TBC1D9: variants seen among roughly 807,000 people sequenced by gnomAD.
TBC1D9 encodes TBC1 domain family member 9.
A neutral mutation model predicts 132.0 loss-of-function variants in TBC1D9; 63 were observed. The ratio of observed to expected loss-of-function variants is 0.48; its 90% CI spans 0.39 to 0.59. The LOEUF (loss-of-function observed/expected upper bound fraction) is 0.59, where lower values mean the gene tolerates loss of function less well. TBC1D9 is among the 20% of genes least tolerant of loss of function. The pLI, the probability that TBC1D9 is intolerant of heterozygous loss-of-function variation, is 0.00. For missense variants in TBC1D9, 1,261 were observed against 1,592.7 expected, an observed-to-expected ratio of 0.79 and a Z score of 3.54; for synonymous variants, 610 against 609.9, an observed-to-expected ratio of 1.00 and a Z score of 0.00.
chr4:140,645,002 G>A, intron 13 of TBC1D9: 1 of 466,450 alleles, frequency 2.1e-6, no homozygotes, highest in East Asian at 5.9e-5. Context: ...TGCTGCCCGA[G>A]CGGGACAACC....
intron 3 of TBC1D9, among the ~76,000 whole-genome samples, chr4:140,681,748 G>C (rs1560883952): frequency 6.6e-6 from 1 of 152,096 alleles, no homozygotes; most frequent in Non-Finnish European, 1.5e-5. Flanking sequence ...ATCTTCCACA[G>C]GCTCTCAGTG....
chr4:140,707,532 C>T (rs781613178), intron 1 of TBC1D9, among the ~76,000 whole-genome samples: 61 of 152,290 alleles, frequency 4.0e-4, no homozygotes, highest in Non-Finnish European at 6.9e-4. Flanking sequence ...TTCTGTAGGC[C>T]ACCTGCTGCC....
intron 2 of TBC1D9, among the ~76,000 whole-genome samples, chr4:140,693,888 T>C (rs1342562755): frequency 1.3e-5 from 2 of 152,194 alleles, no homozygotes; most frequent in African/African-American, 4.8e-5. Flanking sequence ...CTCACAGCTT[T>C]ATAATCACTT....
At position 140,678,993 on chromosome 4, in the gene TBC1D9, G is replaced by C. The variant is rs557414910; in HGVS notation, c.800C>G (p.Ser267Cys). The C allele has an allele frequency of 2.4e-5, 38 of 1,613,788 alleles. No individual in the cohort carries two copies. Among genetic ancestry groups the C allele is most frequent in the Non-Finnish European group, 3.1e-5 (36 of 1,179,846 alleles). ...LDNEGFEQDR[S>C]LPKLKRKSPK... ...AGATTTCCTTTTGAGTTTGGGCAGGGATCGATCTTGTTCAAATCCCTCATT... is the reference window on the plus strand; with the variant it reads ...AGATTTCCTTTTGAGTTTGGGCAGGCATCGATCTTGTTCAAATCCCTCATT... Residue 267 changes from serine (S) to cysteine (C), a missense_variant, in exon 5 of 21, where the codon TCC (serine) becomes TGC (cysteine). Physicochemically the swap from Ser to Cys is moderately radical, Grantham distance 112 (BLOSUM62 -1). Coordinates refer to ENST00000442267, the MANE Select transcript of TBC1D9 (RefSeq NM_015130.3).
chr4:140,651,394 TAG>T (rs1169972691), intron 13 of TBC1D9, among the ~76,000 whole-genome samples: 1 of 152,048 alleles, frequency 6.6e-6, no homozygotes, highest in Non-Finnish European at 1.5e-5. Flanking sequence ...GCCTGGGAGG[TAG>T]AGGTTGGAGT....
chr4:140,643,964 T>G (rs1578821238), intron 13 of TBC1D9: 1 of 599,464 alleles, frequency 1.7e-6, no homozygotes. Context: ...TCGCCTCCTG[T>G]TCAGCCAGCG....
At chr4:140,718,437 G>C (rs1463295796) in intron 1 of TBC1D9, among the ~76,000 whole-genome samples, 1 of 152,098 alleles carries the variant, frequency 6.6e-6, no homozygotes, top group Non-Finnish European at 1.5e-5. Flanking sequence ...AACAGAGTCA[G>C]AGCTACCCTA....
In TBC1D9 at chr4:140,622,175, C is replaced by T. The variant is rs761904183; in HGVS notation, c.*20G>A. On this transcript the variant is annotated 3_prime_UTR_variant, in exon 21 of 21. Coordinates refer to ENST00000442267, the MANE Select transcript of TBC1D9 (RefSeq NM_015130.3). ...TCCCTCCCCTCCCTCTCCTCCCACT[C>T]CCCCGGGAAGGCGCCCGTGTCAGCC... 3.9e-6 allele frequency: 6 copies of T among 1,554,574 alleles called. No homozygotes were observed. Among genetic ancestry groups the T allele is most frequent in the Admixed American group, 3.5e-5 (2 of 57,072 alleles).
intron 18 of TBC1D9, among the ~76,000 whole-genome samples, chr4:140,625,266 A>AT (rs1196069420): frequency 7.9e-5 from 12 of 151,826 alleles, no homozygotes; most frequent in East Asian, 7.7e-4. Context: ...GAAGAGAGAA[A>AT]ATTTTTTTTT....
At chr4:140,746,550 A>C (rs1738839310) in intron 1 of TBC1D9, among the ~76,000 whole-genome samples, 2 of 152,224 alleles carry the variant, frequency 1.3e-5, no homozygotes, top group Non-Finnish European at 1.5e-5. Context: ...GGCAATTTAC[A>C]AAAGACTGTG....
Position 140,633,976 on chromosome 4 carries a change from A to T in TBC1D9, c.2718T>A (p.Ile906=). The change falls in exon 16 of 21, where the codon ATT becomes ATA. Residue 906 remains isoleucine, a synonymous_variant. Coordinates refer to ENST00000442267, the MANE Select transcript of TBC1D9 (RefSeq NM_015130.3). ...QLLDENGDSL[I]NFREFVSGLS... is the part of the protein sequence containing the mutation. ...GCCCAGAGACAAACTCCCGGAAGTT[A>T]ATCAAAGAGTCTCCATTTTCATCTA... The T allele has an allele frequency of 6.2e-7, 1 of 1,614,016 alleles. No homozygotes were observed.
At chr4:140,753,377 C>T (rs555217248) in intron 1 of TBC1D9, among the ~76,000 whole-genome samples, 3 of 152,272 alleles carry the variant, frequency 2.0e-5, no homozygotes, top group Admixed American at 6.5e-5. Context: ...TACAGGCATA[C>T]ACCACCATGC....
At chr4:140,624,559 A>G (rs936448305) in intron 18 of TBC1D9, among the ~76,000 whole-genome samples, 171 bp from the exon 19 acceptor site, 4 of 152,320 alleles carry the variant, frequency 2.6e-5, no homozygotes, top group Admixed American at 6.5e-5. Context: ...TTAAATTTCA[A>G]TTTCAGATAA....
chr4:140,712,745 A>AG (rs1425057457), intron 1 of TBC1D9, among the ~76,000 whole-genome samples: 5 of 112,620 alleles, frequency 4.4e-5, no homozygotes, highest in African/African-American at 1.9e-4. Flanking sequence ...TCCATCTCAA[A>AG]AAAATAGATA....
Position 140,622,627 on chromosome 4 carries a change from T to G in TBC1D9, c.3369A>C (p.Glu1123Asp). Residue 1123 changes from glutamate (E) to aspartate (D), a missense_variant, in exon 21 of 21, where the codon GAA becomes GAC. Around this residue, in one of 3 missense-constraint regions of TBC1D9, gnomAD observed 618 missense variants for 724.4 expected, o/e 0.85. Coordinates refer to ENST00000442267, the MANE Select transcript of TBC1D9 (RefSeq NM_015130.3). The part of the protein sequence containing the change: ...LPASLAPDSE[E>D]HSLGGQMEDI... ...CCTCCATTTGTCCTCCAAGGGAGTG[T>G]TCCTCGCTGTCGGGGGCCAGGCTGG... The G allele has an allele frequency of 6.2e-7, 1 of 1,612,532 alleles. No homozygotes were observed. The highest frequency in any genetic ancestry group is 8.5e-7 in the Non-Finnish European group (1 of 1,178,942).
At chr4:140,652,920 G>A (rs866355682) in intron 13 of TBC1D9, among the ~76,000 whole-genome samples, 13 of 152,128 alleles carry the variant, frequency 8.5e-5, no homozygotes, top group Admixed American at 3.3e-4. Context: ...GGGTCATCTC[G>A]AACATGAAGC....
intron 1 of TBC1D9, among the ~76,000 whole-genome samples, chr4:140,729,818 CA>C (rs35283552): frequency 0.06 from 3,094 of 51,352 alleles, 13 homozygotes; most frequent in Middle Eastern, 0.2. Flanking sequence ...GATTCCATCT[CA>C]AAAAAAAAAA....
In TBC1D9 at chr4:140,634,089, C is replaced by T. The variant is rs752966549; in HGVS notation, c.2605G>A (p.Glu869Lys). ...AGAGCAAACATTCCCTTGAACTGCT[C>T]GAAGTCAATGCGATACTGTTCCAGG... ...PYLEQYRIDF[E>K]QFKGMFALLF... Residue 869 changes from glutamate to lysine, a missense_variant, in exon 16 of 21, where the codon GAG becomes AAG. Glu to Lys is a moderately conservative substitution (Grantham distance 56). This residue lies in a region of TBC1D9 where 618 missense variants were observed against 724.4 expected (regional missense o/e 0.85). Coordinates refer to ENST00000442267, the MANE Select transcript of TBC1D9 (RefSeq NM_015130.3). 7.4e-6 allele frequency: 12 copies of T among 1,613,894 alleles called. No individual in the cohort carries two copies. The highest frequency in any genetic ancestry group is 2.2e-5 in the East Asian group (1 of 44,898).
At chr4:140,661,842 G>T in intron 10 of TBC1D9, 51 bp downstream of exon 10, 1 of 1,461,732 alleles carries the variant, frequency 6.8e-7, no homozygotes, top group Non-Finnish European at 9.4e-7. Flanking sequence ...GCTGCCAAAT[G>T]AATAGAAATT....
Sources: gnomAD v4.1 joint callset for allele counts (sites outside exome capture counted in the v4.1 genomes callset) on GRCh38, gnomAD v4.1.1 for gene constraint, gnomAD v4.1.1 regional missense constraint, MANE v1.5 for transcripts, NCBI Gene and HGNC (gene_info 2026-07-23, HGNC 2026-07-21) for gene names.